Variants in VPS35L observed in about 807,000 individuals in gnomAD.
VPS35L encodes the protein VPS35 endosomal protein sorting factor like.
VPS35L carries 83 observed loss-of-function variants against 133.0 expected under a neutral mutation model. That is an observed-to-expected ratio of 0.62 (90% CI 0.52 to 0.75). The LOEUF is 0.75. Ranked by LOEUF, VPS35L falls within the 30% of genes least tolerant of loss-of-function variation. VPS35L has a pLI of 0.00. For synonymous variants in VPS35L, 423 were observed against 449.9 expected, an observed-to-expected ratio of 0.94 and a Z score of 0.76; for missense variants, 1,083 against 1,206.8, an observed-to-expected ratio of 0.90 and a Z score of 1.52.
chr16:19,575,582 G>A lies in VPS35L; in HGVS notation c.433+460G>A, dbSNP rs1188923483. Among the ~76,000 whole-genome samples, 4 of 148,412 alleles carry A rather than the reference G, an allele frequency of 2.7e-5. 1 individual carries two copies. The highest frequency in any genetic ancestry group is 2.0e-4 in the Admixed American group (3 of 14,732). Reference sequence around the variant, plus strand: ...GTCTTAAAAAAAAAAAAAAAATACAGCCGGGCACGGTGGCTCACCTGTGTA... The same window carrying A: ...GTCTTAAAAAAAAAAAAAAAATACAACCGGGCACGGTGGCTCACCTGTGTA... On this transcript the variant is annotated intron_variant, in intron 5 of 30. Transcript: ENST00000417362.
intron 14 of VPS35L, 120 bp downstream of exon 14, chr16:19,616,928 C>G: frequency 6.9e-7 from 1 of 1,440,056 alleles, no homozygotes; most frequent in South Asian, 1.2e-5. Flanking sequence ...TTAGTGCTAG[C>G]CAGCCTTTAT....
At position 19,650,391 on chromosome 16, in the gene VPS35L, C is replaced by T. The variant is rs111725702; in HGVS notation, c.2038C>T (p.Arg680Trp). ...VLVQLIHSVN[R>W]LAMETRKVMK... is the part of the protein sequence containing the mutation. ...TTATTAATAAATTCAGAGTGTGAACCGGTTGGCAATGGAGACAAGAAAAGT... is the reference window on the plus strand; with the variant it reads ...TTATTAATAAATTCAGAGTGTGAACTGGTTGGCAATGGAGACAAGAAAAGT... The change falls in exon 25 of 31, where the codon CGG becomes TGG. Residue 680 changes from arginine to tryptophan, a missense_variant. Arg to Trp is a moderately radical substitution (Grantham distance 101, BLOSUM62 -3). Coordinates refer to ENST00000417362, the MANE Select transcript of VPS35L (RefSeq NM_020314.7). The T allele has an allele frequency of 4.1e-5, 66 of 1,611,346 alleles. No homozygotes were observed. The African/African-American group carries it at 7.5e-4, about 18-fold the overall frequency.
At chr16:19,690,988 A>T (rs1975653517) in intron 28 of VPS35L, among the ~76,000 whole-genome samples, 1 of 152,018 alleles carries the variant, frequency 6.6e-6, no homozygotes, top group Non-Finnish European at 1.5e-5. Context: ...AAGAAAAGAA[A>T]AATCATGTCT....
At chr16:19,602,856 G>A (rs956934167) in intron 9 of VPS35L, among the ~76,000 whole-genome samples, 4 of 151,568 alleles carry the variant, frequency 2.6e-5, no homozygotes, top group South Asian at 2.1e-4. Context: ...CATCCGCCTC[G>A]GCCTCCCAAA....
chr16:19,564,811 AC>A, intron 1 of VPS35L, 39 bp from the exon 2 acceptor site: 2 of 1,403,818 alleles, frequency 1.4e-6, no homozygotes, highest in Non-Finnish European at 2.0e-6. Context: ...TGTTTTAAGT[AC>A]CCCCATCCAC....
intron 1 of VPS35L, among the ~76,000 whole-genome samples, chr16:19,564,551 AC>A (rs1221538426): frequency 2.6e-5 from 4 of 152,078 alleles, no homozygotes; most frequent in Non-Finnish European, 5.9e-5. Flanking sequence ...GGCGTGCGCC[AC>A]CATACCCACC....
At chr16:19,564,055 T>A (rs1484877189) in intron 1 of VPS35L, among the ~76,000 whole-genome samples, 1 of 152,210 alleles carries the variant, frequency 6.6e-6, no homozygotes, top group Non-Finnish European at 1.5e-5. Context: ...AAGTCCAGTA[T>A]GCTGGCAGCT....
intron 28 of VPS35L, among the ~76,000 whole-genome samples, chr16:19,685,453 G>A (rs1465482064): frequency 1.3e-5 from 2 of 152,108 alleles, no homozygotes; most frequent in Non-Finnish European, 2.9e-5. Context: ...ATTTGCATGT[G>A]GCCAGGTCCA....
intron 3 of VPS35L, among the ~76,000 whole-genome samples, chr16:19,569,983 T>C (rs910923940): frequency 3.3e-5 from 5 of 152,224 alleles, no homozygotes; most frequent in African/African-American, 1.2e-4. Flanking sequence ...TACCTTCTGG[T>C]CAGGTCATCC....
intron 27 of VPS35L, among the ~76,000 whole-genome samples, chr16:19,670,714 G>A (rs1301684534): frequency 1.3e-5 from 2 of 152,148 alleles, no homozygotes; most frequent in Admixed American, 6.5e-5. Flanking sequence ...GGCCACTCCC[G>A]GGACCCAGCA....
At chr16:19,661,339 A>G (rs1304603070) in intron 26 of VPS35L, among the ~76,000 whole-genome samples, 4 of 152,276 alleles carry the variant, frequency 2.6e-5, no homozygotes, top group Admixed American at 2.0e-4. Flanking sequence ...TCTGGCAGAC[A>G]ATAAATAACC....
chr16:19,662,098 C>T (rs1373155152), intron 26 of VPS35L, among the ~76,000 whole-genome samples: 1 of 152,128 alleles, frequency 6.6e-6, no homozygotes, highest in African/African-American at 2.4e-5. Context: ...AGCCACTTGG[C>T]AGGCTGAAGT....
intron 7 of VPS35L, chr16:19,587,283 A>C: frequency 2.2e-6 from 1 of 444,792 alleles, no homozygotes; most frequent in Admixed American, 2.4e-5. Context: ...CACAGAGCCA[A>C]ACCATGTTAA....
chr16:19,587,484 C>G (rs1971905465), intron 7 of VPS35L: 1 of 333,486 alleles, frequency 3.0e-6, no homozygotes, highest in Non-Finnish European at 5.9e-6. Flanking sequence ...ACAGAATTAG[C>G]TGTGTGTGGT....
rs376205558 is a variant in VPS35L, at chr16:19,627,819, T to C, written c.1383+14T>C. 79 of 1,570,096 alleles carry C rather than the reference T, an allele frequency of 5.0e-5. No homozygotes were observed. The African/African-American group carries it at 1.0e-3, about 20-fold the overall frequency. On this transcript the variant is annotated intron_variant, in intron 16 of 30. Transcript: ENST00000417362. ...GGTTTCCCCAAGGTAGGCTCTTGAC[T>C]TCATGCTCAGTAGGACACAAATAAG...
intron 28 of VPS35L, among the ~76,000 whole-genome samples, chr16:19,690,934 C>A (rs1975649124): frequency 1.3e-5 from 2 of 151,702 alleles, no homozygotes; most frequent in South Asian, 4.2e-4. Flanking sequence ...TGCACTCCAG[C>A]CTGGGTGACA....
At chr16:19,686,044 T>A (rs1975448191) in intron 28 of VPS35L, among the ~76,000 whole-genome samples, 1 of 152,190 alleles carries the variant, frequency 6.6e-6, no homozygotes, top group Non-Finnish European at 1.5e-5. Context: ...GAGTGTAGTT[T>A]TCTAGCTTTT....
chr16:19,623,356 C>T (rs60819362), intron 14 of VPS35L, among the ~76,000 whole-genome samples: 2,193 of 152,302 alleles, frequency 0.014, 54 homozygotes, highest in African/African-American at 0.049. Context: ...CGTGTTCTCA[C>T]ATGGCTTTTC....
chr16:19,630,069 T>A (rs972482122), intron 18 of VPS35L, among the ~76,000 whole-genome samples: 1 of 152,180 alleles, frequency 6.6e-6, no homozygotes, highest in African/African-American at 2.4e-5. Flanking sequence ...ATTTTTTTTT[T>A]ACCATAGGAT....
Sources: allele counts gnomAD v4.1 joint callset (sites outside exome capture counted in the v4.1 genomes callset), GRCh38; gene constraint gnomAD v4.1.1; transcripts MANE v1.5; gene names NCBI Gene and HGNC (gene_info 2026-07-23, HGNC 2026-07-21).